PPP3CA: variants seen among roughly 807,000 people sequenced by gnomAD.
PPP3CA encodes CAM-PRP catalytic subunit.
In PPP3CA, 14 loss-of-function variants were observed where a neutral mutation model predicts 66.5. The observed-to-expected ratio is 0.21, with a 90% confidence interval of 0.14 to 0.33. The LOEUF is 0.33. Ranked by LOEUF, PPP3CA falls within the 10% of genes least tolerant of loss-of-function variation. The pLI, the probability that PPP3CA is intolerant of heterozygous loss-of-function variation, is 1.00. For synonymous variants in PPP3CA, 232 were observed against 226.2 expected, an observed-to-expected ratio of 1.03 and a Z score of -0.23; for missense variants, 317 against 639.5, an observed-to-expected ratio of 0.50 and a Z score of 5.44.
intron 2 of PPP3CA, among the ~76,000 whole-genome samples, chr4:101,134,062 G>C (rs973169309): frequency 2.0e-5 from 3 of 152,110 alleles, no homozygotes; most frequent in Non-Finnish European, 4.4e-5. Flanking sequence ...ACTGAAACTG[G>C]ACCTCTTCCT....
chr4:101,185,040 T>C (rs1724367359), intron 2 of PPP3CA, among the ~76,000 whole-genome samples: 1 of 152,100 alleles, frequency 6.6e-6, no homozygotes. Flanking sequence ...TTTTAAATGG[T>C]AGTCAAATGC....
chr4:101,084,510 G>A (rs992996790), intron 6 of PPP3CA, among the ~76,000 whole-genome samples: 2 of 151,966 alleles, frequency 1.3e-5, no homozygotes, highest in African/African-American at 2.4e-5. Context: ...AGGCTTAGGG[G>A]TGGGCGCCTG....
intron 8 of PPP3CA, among the ~76,000 whole-genome samples, chr4:101,071,296 C>T (rs764820689): frequency 6.6e-6 from 1 of 152,168 alleles, no homozygotes; most frequent in Non-Finnish European, 1.5e-5. Flanking sequence ...CCAAGATATC[C>T]TTGGCACTGA....
chr4:101,322,839 G>A (rs559226198), intron 1 of PPP3CA, among the ~76,000 whole-genome samples: 2 of 151,730 alleles, frequency 1.3e-5, no homozygotes, highest in African/African-American at 4.8e-5. Flanking sequence ...TAAGACAACT[G>A]TGAAAAAAAG....
chr4:101,166,202 C>T lies in PPP3CA; in HGVS notation c.259+29714G>A, dbSNP rs545247597. 1.2e-4 allele frequency among the ~76,000 whole-genome samples: 19 copies of T among 152,262 alleles called. No individual in the cohort carries two copies. In the South Asian group the frequency reaches 3.5e-3, roughly 28 times the overall value. ...CAATCAAACACCAACATATTCTCTT[C>T]CAGACTCTGAATTTCATCACTTAGA... On this transcript the variant is annotated intron_variant, in intron 2 of 13. Transcript: ENST00000394854.
At chr4:101,156,346 A>G (rs1723318560) in intron 2 of PPP3CA, among the ~76,000 whole-genome samples, 1 of 152,194 alleles carries the variant, frequency 6.6e-6, no homozygotes, top group South Asian at 2.1e-4. Flanking sequence ...TTTGAAAGCT[A>G]TTCTAAAACA....
At chr4:101,244,523 T>C (rs1240195011) in intron 1 of PPP3CA, among the ~76,000 whole-genome samples, 1 of 152,110 alleles carries the variant, frequency 6.6e-6, no homozygotes, top group Non-Finnish European at 1.5e-5. Flanking sequence ...TGAGAAACAA[T>C]TTCCTCACCA....
chr4:101,252,731 C>T (rs778178124), intron 1 of PPP3CA, among the ~76,000 whole-genome samples: 9 of 152,174 alleles, frequency 5.9e-5, no homozygotes, highest in Non-Finnish European at 1.2e-4. Context: ...CTTCTTTACA[C>T]ATTTGCAGCC....
intron 2 of PPP3CA, among the ~76,000 whole-genome samples, chr4:101,156,360 A>T (rs1723319061): frequency 6.6e-6 from 1 of 152,162 alleles, no homozygotes. Flanking sequence ...TAAAACAAAA[A>T]TCAGAATAAA....
chr4:101,184,201 A>G (rs1724334331), intron 2 of PPP3CA, among the ~76,000 whole-genome samples: 1 of 152,198 alleles, frequency 6.6e-6, no homozygotes, highest in Non-Finnish European at 1.5e-5. Context: ...GTTGTGATAC[A>G]GGCAGTTAAA....
intron 1 of PPP3CA, among the ~76,000 whole-genome samples, chr4:101,239,142 T>C (rs1726220753): frequency 6.6e-6 from 1 of 152,146 alleles, no homozygotes; most frequent in Non-Finnish European, 1.5e-5. Flanking sequence ...GAGGCTAATA[T>C]GTAACTTAGA....
In PPP3CA at chr4:101,170,111, C is replaced by T. The variant is rs565968163; in HGVS notation, c.259+25805G>A. 2.0e-5 allele frequency among the ~76,000 whole-genome samples: 3 copies of T among 152,152 alleles called. No homozygotes were observed. In the South Asian group the frequency reaches 6.2e-4, roughly 32 times the overall value. On this transcript the variant is annotated intron_variant, in intron 2 of 13. Coordinates refer to ENST00000394854, the MANE Select transcript of PPP3CA (RefSeq NM_000944.5). ...CAATTAACAGCTGTAACACAAGATA[C>T]AAAAGTGACTTAAATTACTCCCAGA...
chr4:101,201,479 T>C (rs2659537), intron 1 of PPP3CA, among the ~76,000 whole-genome samples: 36,848 of 152,176 alleles, frequency 0.24, 6,858 homozygotes, highest in African/African-American at 0.5. Flanking sequence ...AATATGAATT[T>C]CAGATTGAGA....
chr4:101,266,481 T>A lies in PPP3CA; in HGVS notation c.59-70365A>T, dbSNP rs540128794. Among the ~76,000 whole-genome samples the A allele has an allele frequency of 1.0e-3, 158 of 152,332 alleles. 2 individuals carry two copies. Among genetic ancestry groups the A allele is most frequent in the African/African-American group, 3.7e-3 (155 of 41,590 alleles). Reference sequence around the variant, plus strand: ...ATTATAAAAATCAGTTACAGTATTATATAGCGTGATTAATCTTTCTCATTT... The same window carrying A: ...ATTATAAAAATCAGTTACAGTATTAAATAGCGTGATTAATCTTTCTCATTT... On this transcript the variant is annotated intron_variant, in intron 1 of 13. Coordinates refer to ENST00000394854, the MANE Select transcript of PPP3CA (RefSeq NM_000944.5).
At chr4:101,191,700 T>A (rs1020807326) in intron 2 of PPP3CA, among the ~76,000 whole-genome samples, 1 of 152,212 alleles carries the variant, frequency 6.6e-6, no homozygotes, top group African/African-American at 2.4e-5. Context: ...CTATCCCTGC[T>A]TAACTCTCCT....
intron 5 of PPP3CA, among the ~76,000 whole-genome samples, chr4:101,094,849 T>A (rs555611810): frequency 4.1e-4 from 63 of 152,296 alleles, no homozygotes; most frequent in African/African-American, 1.5e-3. Flanking sequence ...GCAGATATTA[T>A]AAAGGCTCTT....
chr4:101,117,891 A>G (rs1469789681), intron 2 of PPP3CA, among the ~76,000 whole-genome samples: 1 of 151,938 alleles, frequency 6.6e-6, no homozygotes, highest in Non-Finnish European at 1.5e-5. Flanking sequence ...AGTTGATATA[A>G]TTTCAGCCGA....
At chr4:101,100,826 C>A (rs1173326519) in intron 3 of PPP3CA, among the ~76,000 whole-genome samples, 1 of 152,010 alleles carries the variant, frequency 6.6e-6, no homozygotes, top group East Asian at 1.9e-4. Flanking sequence ...AATTGGCTTT[C>A]CAATACAGTA....
At chr4:101,346,160 C>T (rs1388466114) in intron 1 of PPP3CA, among the ~76,000 whole-genome samples, 5 of 151,758 alleles carry the variant, frequency 3.3e-5, no homozygotes, top group African/African-American at 7.3e-5. Context: ...CCCGCTCTCT[C>T]GCGAGTCCTG....
Sources: allele counts gnomAD v4.1 joint callset (sites outside exome capture counted in the v4.1 genomes callset), GRCh38; gene constraint gnomAD v4.1.1; transcripts MANE v1.5; gene names NCBI Gene and HGNC (gene_info 2026-07-23, HGNC 2026-07-21).